ZNF215: variants seen among roughly 807,000 people sequenced by gnomAD.
ZNF215 encodes zinc finger protein 215, also known as BWSCR2-associated zinc finger protein 2.
A neutral mutation model predicts 27.2 loss-of-function variants in ZNF215; 24 were observed. That is an observed-to-expected ratio of 0.88 (90% CI 0.64 to 1.24). The LOEUF is 1.24. ZNF215 is among the 50% of genes most tolerant of loss of function. ZNF215 has a pLI of 0.00. For missense variants in ZNF215, 675 were observed against 605.7 expected (o/e 1.11, Z -1.20); for synonymous variants, 210 against 204.0 (o/e 1.03, Z -0.25).
At chr11:6,951,092 C>G (rs1282878051) in intron 6 of ZNF215, among the ~76,000 whole-genome samples, 2 of 152,174 alleles carry the variant, frequency 1.3e-5, no homozygotes. Context: ...CCCACTTGAT[C>G]ATGGTGGATA....
downstream of ZNF215, among the ~76,000 whole-genome samples, chr11:6,990,875 GCAC>G (rs750608659): frequency 1.3e-5 from 2 of 152,124 alleles, no homozygotes; most frequent in Non-Finnish European, 2.9e-5. Context: ...AATTAGTGTG[GCAC>G]TCCTGCAAAA....
intron 5 of ZNF215, among the ~76,000 whole-genome samples, chr11:6,975,320 C>T (rs562080892): frequency 5.3e-5 from 8 of 151,916 alleles, no homozygotes; most frequent in Non-Finnish European, 5.9e-5. Context: ...TAGAGGCATG[C>T]AATGTAAAAT....
rs1289725561 is a variant in ZNF215, at chr11:6,943,209, C to T, written c.610C>T (p.Arg204Cys). The T allele has an allele frequency of 8.1e-6, 13 of 1,611,050 alleles. No individual in the cohort carries two copies. The highest frequency in any genetic ancestry group is 5.5e-5 in the South Asian group (5 of 90,390). Residue 204 changes from arginine (R) to cysteine (C), a missense_variant, in exon 5 of 7, where the codon CGT (arginine) becomes TGT (cysteine). By Grantham distance (180) the Arg-to-Cys change is radical. Transcript: ENST00000278319. The stretch of plus-strand genomic sequence containing the variant: ...AAACTTTAGGAACCTGAATTCATTG[C>T]GTAAAGGTGGTTTCTATATGTTTAC... ...LENFRNLNSL[R>C]KAHLLSKPFE...
At position 6,943,229 on chromosome 11, in the gene ZNF215, G is replaced by A; in HGVS notation, c.616+14G>A. On this transcript the variant is annotated intron_variant, in intron 5 of 6. Coordinates refer to ENST00000278319, the MANE Select transcript of ZNF215 (RefSeq NM_013250.4). ...CATTGCGTAAAGGTGGTTTCTATAT[G>A]TTTACCTAATCTGTCCATTTAGTAA... is the stretch of plus-strand genomic sequence containing the variant. 1.9e-6 allele frequency: 3 copies of A among 1,605,254 alleles called. No homozygotes were observed.
At chr11:6,944,957 C>G (rs1049258858) in intron 6 of ZNF215, among the ~76,000 whole-genome samples, 6 of 152,090 alleles carry the variant, frequency 3.9e-5, no homozygotes, top group Non-Finnish European at 8.8e-5. Flanking sequence ...CACTGTTGGA[C>G]ATTTAGATTG....
chr11:6,985,324 C>G (rs780962787), downstream of ZNF215, among the ~76,000 whole-genome samples: 1 of 152,092 alleles, frequency 6.6e-6, no homozygotes, highest in Non-Finnish European at 1.5e-5. Context: ...ACATAAAAAG[C>G]TTTTGATAAC....
downstream of ZNF215, among the ~76,000 whole-genome samples, chr11:6,985,138 A>G (rs532505608): frequency 6.6e-6 from 1 of 152,294 alleles, no homozygotes; most frequent in South Asian, 2.1e-4. Context: ...ACATAGACAC[A>G]CCAATTCTCA....
chr11:6,973,880 A>G (rs1410198798), intron 5 of ZNF215, among the ~76,000 whole-genome samples: 1 of 152,210 alleles, frequency 6.6e-6, no homozygotes, highest in Non-Finnish European at 1.5e-5. Flanking sequence ...TTAGCTGTGC[A>G]GAAGCTCTTT....
At chr11:6,945,719 T>C (rs1324266553) in intron 6 of ZNF215, among the ~76,000 whole-genome samples, 1 of 152,240 alleles carries the variant, frequency 6.6e-6, no homozygotes, top group Non-Finnish European at 1.5e-5. Context: ...TTTGCAGACT[T>C]AGCTTTCTCT....
At chr11:6,984,371 A>T (rs1851020304) in exon 6 of ZNF215, 1 of 168,304 alleles carries the variant, frequency 5.9e-6, no homozygotes, top group Admixed American at 6.3e-5. Context: ...AGCCTCCTAA[A>T]GTGCTGGGAT....
At chr11:6,937,486 CTTTTTTTTTTTTTTT>C in intron 3 of ZNF215, among the ~76,000 whole-genome samples, 1 of 118,932 alleles carries the variant, frequency 8.4e-6, no homozygotes, top group East Asian at 2.4e-4. Context: ...ATCTCAGCTG[CTTTTTTTTTTTTTTT>C]TTTTTTTTTG....
chr11:6,979,880 TGATAGACTTACA>T (rs1850912094), intron 5 of ZNF215, among the ~76,000 whole-genome samples: 1 of 152,074 alleles, frequency 6.6e-6, no homozygotes, highest in African/African-American at 2.4e-5. Context: ...GCTATAAACG[TGATAGACTTACA>T]GATGTAAAAT....
At chr11:6,992,863 C>T (rs897153538), downstream of ZNF215, among the ~76,000 whole-genome samples, 7 of 150,966 alleles carry the variant, frequency 4.6e-5, no homozygotes, top group Non-Finnish European at 1.0e-4. Flanking sequence ...TCAACTCCAT[C>T]GTAAAACCAG....
At chr11:6,947,183 T>C (rs1459282564) in intron 6 of ZNF215, among the ~76,000 whole-genome samples, 1 of 152,248 alleles carries the variant, frequency 6.6e-6, no homozygotes, top group Non-Finnish European at 1.5e-5. Flanking sequence ...TACTTTCATC[T>C]ATCTCCTCAT....
chr11:6,964,434 G>T (rs948955694), intron 5 of ZNF215, among the ~76,000 whole-genome samples: 2 of 151,986 alleles, frequency 1.3e-5, no homozygotes, highest in African/African-American at 4.8e-5. Flanking sequence ...GTTAACATTT[G>T]TACATTATGT....
Position 6,984,174 on chromosome 11 carries a change from TC to T in ZNF215, c.852del (p.Ser285ArgfsTer12). ...CCCAGGCTGGAGTATAATGATGCAGTCTCGGCTCACTGCAACCTCCACCTCT... is the reference window on the plus strand; with the variant it reads ...CCCAGGCTGGAGTATAATGATGCAGTTCGGCTCACTGCAACCTCCACCTCT... On this transcript the variant is annotated frameshift_variant, in exon 6 of 6. Transcript: ENST00000529903. LOFTEE classifies it high-confidence loss of function. The T allele has an allele frequency of 2.7e-6, 1 of 372,498 alleles. No individual in the cohort carries two copies. The highest frequency in any genetic ancestry group is 5.2e-6 in the Non-Finnish European group (1 of 191,854). 23.1% of individuals were successfully genotyped at this position (372,498 alleles called of 1,614,324 possible).
At chr11:6,939,019 A>G (rs969615027) in intron 3 of ZNF215, among the ~76,000 whole-genome samples, 1 of 152,170 alleles carries the variant, frequency 6.6e-6, no homozygotes, top group Non-Finnish European at 1.5e-5. Flanking sequence ...GACTCTGATA[A>G]AAGTTGGAGA....
At chr11:6,947,228 A>T (rs1265998466) in intron 6 of ZNF215, among the ~76,000 whole-genome samples, 2 of 152,220 alleles carry the variant, frequency 1.3e-5, no homozygotes, top group African/African-American at 4.8e-5. Context: ...ATTTACTTCA[A>T]TAAATGTAAC....
chr11:6,956,690 T>A lies in ZNF215; in HGVS notation c.*159T>A. 2 of 1,386,794 alleles carry A rather than the reference T, an allele frequency of 1.4e-6. No individual in the cohort carries two copies. The highest frequency in any genetic ancestry group is 1.9e-6 in the Non-Finnish European group (2 of 1,078,586). The allele number at this position is 1,386,794 out of a possible 1,614,324, so 85.9% of individuals were successfully genotyped here. A position where few individuals can be genotyped will look rare whatever the true frequency, so the allele number is the denominator to read the frequency against. On this transcript the variant is annotated 3_prime_UTR_variant, in exon 7 of 7. Coordinates refer to ENST00000278319, the MANE Select transcript of ZNF215 (RefSeq NM_013250.4). Reference sequence around the variant, plus strand: ...GAATTAATGTTGGATAGAAATATCATTGGATAGAAATCTGTTTGAAGGAAT... The same window carrying A: ...GAATTAATGTTGGATAGAAATATCAATGGATAGAAATCTGTTTGAAGGAAT...
Sources: allele counts gnomAD v4.1 joint callset (sites outside exome capture counted in the v4.1 genomes callset), GRCh38; gene constraint gnomAD v4.1.1; transcripts MANE v1.5; gene names NCBI Gene and HGNC (gene_info 2026-07-23, HGNC 2026-07-21).